The following RBFOX1 variants were observed in gnomAD, a reference collection of about 807,000 sequenced individuals.
The protein encoded by RBFOX1 is RNA binding fox-1 homolog 1, also known as RNA binding protein fox-1 homolog 1.
Under a neutral mutation model 57.7 loss-of-function variants are expected in RBFOX1, and 8 were observed. The observed-to-expected ratio is 0.14, with a 90% confidence interval of 0.08 to 0.25. RBFOX1 has a LOEUF of 0.25. RBFOX1 is among the 10% of genes least tolerant of loss of function. The pLI is 1.00. For missense variants in RBFOX1, 611 were observed against 548.5 expected (o/e 1.11, Z -1.14); for synonymous variants, 326 against 222.4 (o/e 1.47, Z -4.15).
At chr16:6,876,739 G>T (rs1024115316) in intron 3 of RBFOX1, among the ~76,000 whole-genome samples, 1 of 152,068 alleles carries the variant, frequency 6.6e-6, no homozygotes, top group African/African-American at 2.4e-5. Context: ...CATAGTCCCT[G>T]CATTGTAATT....
chr16:6,043,731 AAGG>A (rs1313100179), intron 1 of RBFOX1, among the ~76,000 whole-genome samples: 1 of 152,126 alleles, frequency 6.6e-6, no homozygotes, highest in African/African-American at 2.4e-5. Flanking sequence ...GCCAGTATGG[AAGG>A]AGAACTCCAG....
intron 3 of RBFOX1, among the ~76,000 whole-genome samples, chr16:6,896,736 G>A (rs1227441878): frequency 1.3e-5 from 2 of 152,148 alleles, no homozygotes; most frequent in Non-Finnish European, 2.9e-5. Context: ...CTATGAATGC[G>A]AGGTCTGTGG....
intron 1 of RBFOX1, among the ~76,000 whole-genome samples, chr16:6,066,067 G>C (rs1475636135): frequency 6.6e-6 from 1 of 152,088 alleles, no homozygotes; most frequent in Non-Finnish European, 1.5e-5. Flanking sequence ...AGGCCGAGGA[G>C]GGTGGATCAT....
intron 4 of RBFOX1, among the ~76,000 whole-genome samples, chr16:7,427,413 G>A (rs1287289723): frequency 6.6e-6 from 1 of 152,092 alleles, no homozygotes; most frequent in African/African-American, 2.4e-5. Context: ...TGCTGAAGTT[G>A]GACAGGCTTG....
chr16:5,396,337 C>T (rs74342743), intron 1 of RBFOX1, among the ~76,000 whole-genome samples: 3,766 of 152,124 alleles, frequency 0.025, 149 homozygotes, highest in African/African-American at 0.085. Flanking sequence ...CAGTAGGTGG[C>T]TGAATAGATG....
chr16:5,394,669 C>G (rs1285577484), intron 1 of RBFOX1, among the ~76,000 whole-genome samples: 1 of 151,442 alleles, frequency 6.6e-6, no homozygotes, highest in African/African-American at 2.4e-5. Context: ...CCAAGCAATC[C>G]TCCTAAGTAG....
intron 2 of RBFOX1, among the ~76,000 whole-genome samples, chr16:5,527,618 C>T (rs1235217938): frequency 1.3e-5 from 2 of 152,188 alleles, no homozygotes; most frequent in African/African-American, 4.8e-5. Flanking sequence ...TATTACCCTT[C>T]TTCCTCCCTG....
intron 4 of RBFOX1, among the ~76,000 whole-genome samples, chr16:7,433,008 TCTTGTAGCCC>T (rs1428812079): frequency 6.6e-6 from 1 of 152,178 alleles, no homozygotes; most frequent in African/African-American, 2.4e-5. Flanking sequence ...GAGGTTTATA[TCTTGTAGCCC>T]CCAGCAAATG....
At chr16:6,994,446 C>G (rs1488291493) in intron 3 of RBFOX1, among the ~76,000 whole-genome samples, 2 of 152,162 alleles carry the variant, frequency 1.3e-5, no homozygotes, top group African/African-American at 4.8e-5. Flanking sequence ...ACCCCCAGCT[C>G]TCTCTTTTTA....
chr16:5,763,624 G>C (rs1403580784), intron 3 of RBFOX1, among the ~76,000 whole-genome samples: 5 of 152,248 alleles, frequency 3.3e-5, no homozygotes, highest in African/African-American at 1.2e-4. Context: ...CCGGCCTCCT[G>C]AAGTCAGCAC....
chr16:5,824,432 G>C (rs2055964726), intron 3 of RBFOX1, among the ~76,000 whole-genome samples: 2 of 150,802 alleles, frequency 1.3e-5, no homozygotes, highest in Non-Finnish European at 2.9e-5. Context: ...AGGCTATCTG[G>C]TGTCTCCATT....
intron 4 of RBFOX1, among the ~76,000 whole-genome samples, chr16:7,443,704 A>G (rs2098787444): frequency 6.6e-6 from 1 of 152,206 alleles, no homozygotes; most frequent in African/African-American, 2.4e-5. Context: ...CAAACTTGAA[A>G]TCATTTCACA....
Position 5,286,327 on chromosome 16 carries a change from T to C in RBFOX1, c.219+46222T>C, listed in dbSNP as rs2063393870. Among the ~76,000 whole-genome samples, 3 of 152,108 alleles carry C rather than the reference T, an allele frequency of 2.0e-5. No individual in the cohort carries two copies. The South Asian group carries it at 6.3e-4, about 32-fold the overall frequency. ...TGCACCATTGGGCTCCTGGGTGGTG[T>C]GTGTGGCATTCTGATCTCTAGTTCT... On this transcript the variant is annotated intron_variant, in intron 1 of 2. Coordinates refer to the RBFOX1 transcript ENST00000585867.
intron 2 of RBFOX1, among the ~76,000 whole-genome samples, chr16:6,390,964 C>T (rs1305840466): frequency 2.0e-5 from 3 of 152,136 alleles, no homozygotes; most frequent in Non-Finnish European, 4.4e-5. Context: ...CTGGAGAATG[C>T]TCTTTGGTGA....
At chr16:6,363,904 G>C (rs1488702979) in intron 2 of RBFOX1, among the ~76,000 whole-genome samples, 1 of 152,156 alleles carries the variant, frequency 6.6e-6, no homozygotes, top group Non-Finnish European at 1.5e-5. Context: ...CATAGGTGAA[G>C]TATCTGAATA....
At chr16:5,386,861 C>G (rs2066272989) in intron 1 of RBFOX1, among the ~76,000 whole-genome samples, 1 of 152,022 alleles carries the variant, frequency 6.6e-6, no homozygotes. Flanking sequence ...GACCAGCCTG[C>G]CCAACACGGC....
chr16:6,628,444 T>C (rs1260300344), intron 2 of RBFOX1, among the ~76,000 whole-genome samples: 1 of 152,192 alleles, frequency 6.6e-6, no homozygotes, highest in Non-Finnish European at 1.5e-5. Context: ...ATATAGAAAA[T>C]ATGAAAGAAT....
At chr16:6,675,874 A>T (rs1272532082) in intron 3 of RBFOX1, among the ~76,000 whole-genome samples, 1 of 151,964 alleles carries the variant, frequency 6.6e-6, no homozygotes, top group Non-Finnish European at 1.5e-5. Flanking sequence ...TCACGATGAG[A>T]TTTGGGTGAG....
At chr16:6,187,922 G>A (rs147330832) in intron 1 of RBFOX1, among the ~76,000 whole-genome samples, 229 of 152,264 alleles carry the variant, frequency 1.5e-3, no homozygotes, top group Middle Eastern at 6.8e-3. Context: ...GCACATGTGC[G>A]TGCATATGTG....
Sources: allele counts gnomAD v4.1 joint callset (sites outside exome capture counted in the v4.1 genomes callset), GRCh38; gene constraint gnomAD v4.1.1; transcripts MANE v1.5; gene names NCBI Gene and HGNC (gene_info 2026-07-23, HGNC 2026-07-21).